AGBL4: variants seen among roughly 807,000 people sequenced by gnomAD.
The protein encoded by AGBL4 is AGBL carboxypeptidase 4.
Under a neutral mutation model 66.4 loss-of-function variants are expected in AGBL4, and 58 were observed. That is an observed-to-expected ratio of 0.87 (90% CI 0.71 to 1.09). The LOEUF is 1.09. AGBL4 is among the 50% of genes least tolerant of loss of function. AGBL4 has a pLI of 0.00. For missense variants in AGBL4, 579 were observed against 631.0 expected (o/e 0.92, Z 0.88); for synonymous variants, 234 against 222.9 (o/e 1.05, Z -0.44).
At chr1:49,824,736 T>C (rs192805871) in intron 2 of AGBL4, among the ~76,000 whole-genome samples, 18 of 152,288 alleles carry the variant, frequency 1.2e-4, no homozygotes, top group Non-Finnish European at 2.5e-4. Flanking sequence ...ACACCACGCA[T>C]GTGGAGAACT....
At chr1:49,910,594 T>C (rs1176617016) in intron 1 of AGBL4, among the ~76,000 whole-genome samples, 1 of 151,424 alleles carries the variant, frequency 6.6e-6, no homozygotes, top group Non-Finnish European at 1.5e-5. Flanking sequence ...CCTTGAAAGA[T>C]AAATTTTTAT....
chr1:49,917,303 C>T (rs140384194), intron 1 of AGBL4, among the ~76,000 whole-genome samples: 2 of 151,842 alleles, frequency 1.3e-5, no homozygotes. Flanking sequence ...ATTGGATAAA[C>T]ACTCAAGATC....
At chr1:49,350,016 T>A (rs188599994) in intron 3 of AGBL4, among the ~76,000 whole-genome samples, 1 of 152,268 alleles carries the variant, frequency 6.6e-6, no homozygotes, top group African/African-American at 2.4e-5. Context: ...GAAAATAAAC[T>A]TCCATCATTT....
At chr1:49,731,475 C>T (rs1315438942) in intron 2 of AGBL4, among the ~76,000 whole-genome samples, 7 of 152,050 alleles carry the variant, frequency 4.6e-5, no homozygotes, top group Non-Finnish European at 1.0e-4. Flanking sequence ...TAAATACGTG[C>T]TGAATCAAAT....
intron 11 of AGBL4, among the ~76,000 whole-genome samples, chr1:48,577,190 G>T (rs1322433105): frequency 6.6e-6 from 1 of 152,090 alleles, no homozygotes; most frequent in African/African-American, 2.4e-5. Context: ...TCCACTTTTG[G>T]GCTCTTCCCA....
At chr1:49,850,503 T>C (rs1646277015) in intron 2 of AGBL4, among the ~76,000 whole-genome samples, 1 of 152,174 alleles carries the variant, frequency 6.6e-6, no homozygotes, top group Non-Finnish European at 1.5e-5. Context: ...TAAACATCTG[T>C]TGTTTAACCC....
intron 9 of AGBL4, among the ~76,000 whole-genome samples, chr1:48,598,574 C>G (rs1471352325): frequency 6.6e-6 from 1 of 151,848 alleles, no homozygotes; most frequent in Non-Finnish European, 1.5e-5. Flanking sequence ...GTCAGGAATT[C>G]AAGACCAGCC....
At chr1:49,206,859 T>TGGAGA (rs71056687) in intron 4 of AGBL4, among the ~76,000 whole-genome samples, 2,746 of 63,718 alleles carry the variant, frequency 0.043, 81 homozygotes, top group African/African-American at 0.066. Context: ...AGACTTTAGA[T>TGGAGA]GGAGAGGAGA....
intron 6 of AGBL4, among the ~76,000 whole-genome samples, chr1:48,697,962 T>G (rs1301595195): frequency 6.6e-6 from 1 of 152,232 alleles, no homozygotes; most frequent in Non-Finnish European, 1.5e-5. Context: ...ACTGGATCCC[T>G]CAGCCGGATT....
chr1:49,183,267 C>T (rs1646960138), intron 4 of AGBL4, among the ~76,000 whole-genome samples: 1 of 152,110 alleles, frequency 6.6e-6, no homozygotes. Flanking sequence ...AAAAACTGAC[C>T]TCTACTTTTA....
At chr1:48,706,430 C>T (rs576522844) in intron 6 of AGBL4, among the ~76,000 whole-genome samples, 1 of 152,158 alleles carries the variant, frequency 6.6e-6, no homozygotes, top group South Asian at 2.1e-4. Flanking sequence ...AACAGTGTTT[C>T]AACAACAGGA....
At chr1:48,689,398 TACCTA>T (rs1646590014) in intron 6 of AGBL4, among the ~76,000 whole-genome samples, 1 of 150,240 alleles carries the variant, frequency 6.7e-6, no homozygotes, top group African/African-American at 2.5e-5. Context: ...CCTACCTACC[TACCTA>T]CCTTCCTTCC....
intron 1 of AGBL4, among the ~76,000 whole-genome samples, chr1:49,884,310 A>G (rs1188453497): frequency 6.6e-6 from 1 of 151,938 alleles, no homozygotes; most frequent in East Asian, 1.9e-4. Flanking sequence ...AAGGTTATGT[A>G]AAACACATGT....
chr1:49,158,549 G>A (rs1429521197), intron 4 of AGBL4, among the ~76,000 whole-genome samples: 1 of 152,094 alleles, frequency 6.6e-6, no homozygotes, highest in Non-Finnish European at 1.5e-5. Context: ...TTCTGTTGAT[G>A]TGGGGTGGAG....
At chr1:48,695,882 T>C (rs6687965) in intron 6 of AGBL4, among the ~76,000 whole-genome samples, 17,718 of 150,632 alleles carry the variant, frequency 0.12, 3,481 homozygotes, top group African/African-American at 0.41. Context: ...CCCCTAAACC[T>C]CCTACACCCC....
intron 9 of AGBL4, among the ~76,000 whole-genome samples, chr1:48,627,459 G>T (rs1251668302): frequency 2.6e-5 from 4 of 151,940 alleles, no homozygotes; most frequent in Non-Finnish European, 5.9e-5. Flanking sequence ...AATGAGTGCT[G>T]GTTCTGTGTG....
chr1:49,290,026 C>CTTTT (rs1644504500), intron 3 of AGBL4, among the ~76,000 whole-genome samples: 1 of 151,826 alleles, frequency 6.6e-6, no homozygotes, highest in Admixed American at 6.6e-5. Context: ...ATTTTTGATC[C>CTTTT]TAAAAATATA....
chr1:48,575,841 C>A lies in AGBL4; in HGVS notation c.1267+11163G>T, dbSNP rs189093010. 1.9e-3 allele frequency among the ~76,000 whole-genome samples: 288 copies of A among 152,302 alleles called. 2 individuals carry two copies. The highest frequency in any genetic ancestry group is 6.6e-3 in the African/African-American group (276 of 41,550). ...CCCATCTCCTCCACCACCTGGGAAC[C>A]TCACCATGCATAGGCTACAGCCACT... On this transcript the variant is annotated intron_variant, in intron 11 of 13. Transcript: ENST00000371839.
chr1:48,751,170 A>G (rs1341496589), intron 6 of AGBL4, among the ~76,000 whole-genome samples: 1 of 152,192 alleles, frequency 6.6e-6, no homozygotes, highest in African/African-American at 2.4e-5. Flanking sequence ...TTTCTAAGAA[A>G]ACTCCAGGAA....
Sources: gnomAD v4.1 joint callset for allele counts (sites outside exome capture counted in the v4.1 genomes callset) on GRCh38, gnomAD v4.1.1 for gene constraint, MANE v1.5 for transcripts, NCBI Gene and HGNC (gene_info 2026-07-23, HGNC 2026-07-21) for gene names.